Variants in ENOX1 observed in about 807,000 individuals in gnomAD.
ENOX1 encodes candidate growth-related and time keeping constitutive hydroquinone (NADH) oxidase.
A neutral mutation model predicts 82.5 loss-of-function variants in ENOX1; 42 were observed. The ratio of observed to expected loss-of-function variants is 0.51; its 90% CI spans 0.40 to 0.66. ENOX1 has a LOEUF of 0.66. Among genes scored for constraint, ENOX1 ranks in the 30% least tolerant of loss-of-function variants. The probability of loss-of-function intolerance (pLI) is 0.00; values close to 1 mark genes in which losing one functional copy is unlikely to be tolerated. For synonymous variants in ENOX1, 271 were observed against 282.2 expected, an observed-to-expected ratio of 0.96 and a Z score of 0.40; for missense variants, 608 against 811.6, an observed-to-expected ratio of 0.75 and a Z score of 3.05.
chr13:43,277,064 ACT>A (rs1273692873), intron 12 of ENOX1, among the ~76,000 whole-genome samples: 1 of 152,132 alleles, frequency 6.6e-6, no homozygotes, highest in Non-Finnish European at 1.5e-5. Flanking sequence ...CTTGGAGAGA[ACT>A]CCACCATTCA....
At chr13:43,609,979 A>G in intron 2 of ENOX1, 1 of 812,682 alleles carries the variant, frequency 1.2e-6, no homozygotes, top group Non-Finnish European at 1.5e-6. Flanking sequence ...TTGTTTTATC[A>G]GGAAATAACT....
intron 2 of ENOX1, among the ~76,000 whole-genome samples, chr13:43,647,008 T>TC (rs1351047785): frequency 6.6e-6 from 1 of 152,188 alleles, no homozygotes; most frequent in East Asian, 1.9e-4. Flanking sequence ...CCATGTTCTC[T>TC]CTACTTCACA....
Position 43,495,089 on chromosome 13 carries a change from A to C in ENOX1, c.-218-10937T>G, listed in dbSNP as rs1251813254. On this transcript the variant is annotated intron_variant, in intron 2 of 16. Coordinates refer to ENST00000690772, the MANE Select transcript of ENOX1 (RefSeq NM_001347969.2). ...AGATATGCCAAGTTTGAGAAATGCC[A>C]CATTCCTTCCTATGTTTTATGAATA... Among the ~76,000 whole-genome samples the C allele has an allele frequency of 2.0e-5, 3 of 152,264 alleles. No individual in the cohort carries two copies. The East Asian group carries it at 5.8e-4, about 29-fold the overall frequency.
chr13:43,276,929 C>T (rs2045070459), intron 12 of ENOX1, among the ~76,000 whole-genome samples: 1 of 152,188 alleles, frequency 6.6e-6, no homozygotes, highest in South Asian at 2.1e-4. Flanking sequence ...TCTGCTTCCA[C>T]CTGGGGATGA....
At chr13:43,500,110 A>C (rs988783256) in intron 2 of ENOX1, among the ~76,000 whole-genome samples, 3 of 152,140 alleles carry the variant, frequency 2.0e-5, no homozygotes, top group Admixed American at 2.0e-4. Context: ...ATGGACTAGC[A>C]AGCAACATCA....
intron 12 of ENOX1, among the ~76,000 whole-genome samples, chr13:43,285,536 C>T (rs1376413163): frequency 6.6e-6 from 1 of 152,124 alleles, no homozygotes; most frequent in African/African-American, 2.4e-5. Context: ...TTCCTCTGTG[C>T]TTTCTCTTAG....
chr13:43,427,906 A>G (rs1005445774), intron 3 of ENOX1, among the ~76,000 whole-genome samples: 1 of 152,214 alleles, frequency 6.6e-6, no homozygotes, highest in Non-Finnish European at 1.5e-5. Context: ...TGCTTCTAAA[A>G]AGAAAGAAAA....
At chr13:43,320,453 C>T (rs2047742193) in intron 11 of ENOX1, among the ~76,000 whole-genome samples, 1 of 152,030 alleles carries the variant, frequency 6.6e-6, no homozygotes, top group Non-Finnish European at 1.5e-5. Context: ...GGGAATAAAC[C>T]GAGAGAGGTG....
chr13:43,432,855 A>C (rs1430383851), intron 3 of ENOX1, among the ~76,000 whole-genome samples: 1 of 152,168 alleles, frequency 6.6e-6, no homozygotes, highest in East Asian at 1.9e-4. Flanking sequence ...TATTACCTCA[A>C]AGGAGCAGCG....
intron 5 of ENOX1, among the ~76,000 whole-genome samples, chr13:43,402,078 G>A (rs1238219790): frequency 1.3e-5 from 2 of 152,066 alleles, no homozygotes; most frequent in African/African-American, 4.8e-5. Context: ...TCAAGACAGA[G>A]ATTCAGAAAT....
chr13:43,229,401 T>C (rs1005964037), intron 15 of ENOX1, among the ~76,000 whole-genome samples: 1 of 152,040 alleles, frequency 6.6e-6, no homozygotes, highest in African/African-American at 2.4e-5. Context: ...CCATTCCAGG[T>C]ACAGGCCACA....
At chr13:43,300,773 G>A (rs1439591680) in intron 11 of ENOX1, among the ~76,000 whole-genome samples, 2 of 152,224 alleles carry the variant, frequency 1.3e-5, no homozygotes, top group Non-Finnish European at 2.9e-5. Context: ...TGGCAATGGT[G>A]CATGGAATGA....
intron 1 of ENOX1, among the ~76,000 whole-genome samples, chr13:43,707,274 T>C (rs908614995): frequency 1.3e-5 from 2 of 152,244 alleles, no homozygotes; most frequent in East Asian, 3.9e-4. Flanking sequence ...TGTAAATGAA[T>C]AGATGTTTCA....
At chr13:43,743,823 A>T (rs2153828286) in intron 1 of ENOX1, among the ~76,000 whole-genome samples, 1 of 152,310 alleles carries the variant, frequency 6.6e-6, no homozygotes, top group Non-Finnish European at 1.5e-5. Context: ...TTTATTTCTT[A>T]CAGTTCTGGA....
intron 15 of ENOX1, among the ~76,000 whole-genome samples, chr13:43,234,470 T>C (rs1191282140): frequency 6.6e-6 from 1 of 152,208 alleles, no homozygotes; most frequent in Admixed American, 6.5e-5. Context: ...TCTACCTAAA[T>C]GTTCTCATAT....
intron 9 of ENOX1, among the ~76,000 whole-genome samples, chr13:43,330,032 A>G (rs1468531297): frequency 6.6e-6 from 1 of 152,206 alleles, no homozygotes; most frequent in Admixed American, 6.5e-5. Context: ...CAGGATGACT[A>G]CTGGTATTGA....
At chr13:43,460,674 G>A (rs796991910) in intron 3 of ENOX1, among the ~76,000 whole-genome samples, 7 of 151,880 alleles carry the variant, frequency 4.6e-5, no homozygotes, top group African/African-American at 1.7e-4. Flanking sequence ...GGCACCTGTA[G>A]TTCCAGCTAC....
At chr13:43,358,773 A>G (rs140969972) in intron 7 of ENOX1, among the ~76,000 whole-genome samples, 36 of 152,306 alleles carry the variant, frequency 2.4e-4, no homozygotes, top group African/African-American at 8.4e-4. Context: ...CCAGTGCCAC[A>G]AACTCACCAG....
At chr13:43,659,392 AG>A (rs1185824113) in intron 2 of ENOX1, among the ~76,000 whole-genome samples, 17 of 151,940 alleles carry the variant, frequency 1.1e-4, no homozygotes, top group African/African-American at 3.9e-4. Context: ...AGGGAGGCTG[AG>A]GTGGGAGAAT....
Sources: allele counts gnomAD v4.1 joint callset (sites outside exome capture counted in the v4.1 genomes callset), GRCh38; gene constraint gnomAD v4.1.1; transcripts MANE v1.5; gene names NCBI Gene and HGNC (gene_info 2026-07-23, HGNC 2026-07-21).